AKAP12: variants seen among roughly 807,000 people sequenced by gnomAD.
AKAP12 encodes A-kinase anchoring protein 12.
A neutral mutation model predicts 79.9 loss-of-function variants in AKAP12; 32 were observed. The observed-to-expected ratio is 0.40, with a 90% confidence interval of 0.30 to 0.54. AKAP12 has a LOEUF of 0.54. AKAP12 is among the 20% of genes least tolerant of loss of function. The pLI, the probability that AKAP12 is intolerant of heterozygous loss-of-function variation, is 0.48. For synonymous variants in AKAP12, 808 were observed against 857.0 expected (o/e 0.94, Z 1.00); for missense variants, 2,074 against 2,177.0 (o/e 0.95, Z 0.94).
At position 151,267,014 on chromosome 6, in the gene AKAP12, CAAAA is replaced by C. The variant is rs34974747; in HGVS notation, c.162+26313_162+26316del. Reference sequence around the variant, plus strand: ...TGGCGGACAGAGCGAGACTCCATCTCAAAAAAAAAAAAAAAAAAAAAAAAAAGGA... The same window carrying C: ...TGGCGGACAGAGCGAGACTCCATCTCAAAAAAAAAAAAAAAAAAAAAAGGA... On this transcript the variant is annotated intron_variant, in intron 2 of 4. Coordinates refer to ENST00000402676, the MANE Select transcript of AKAP12 (RefSeq NM_005100.4). 5.4e-3 allele frequency among the ~76,000 whole-genome samples: 191 copies of C among 35,298 alleles called. 1 individual carries two copies. Among genetic ancestry groups the C allele is most frequent in the African/African-American group, 0.013 (170 of 13,364 alleles). The allele number at this position is 35,298 out of a possible 152,430, so 23.2% of individuals were successfully genotyped here.
At chr6:151,345,866 G>T (rs1204364008) in intron 3 of AKAP12, among the ~76,000 whole-genome samples, 1 of 149,990 alleles carries the variant, frequency 6.7e-6, no homozygotes, top group African/African-American at 2.5e-5. Context: ...GCATCCCCCA[G>T]AGATCATATG....
At chr6:151,319,884 G>C (rs1392729535) in intron 3 of AKAP12, 1 of 152,636 alleles carries the variant, frequency 6.6e-6, no homozygotes, top group African/African-American at 2.4e-5. Context: ...TCCATTTAAA[G>C]GAATAACAGT....
intron 2 of AKAP12, 114 bp downstream of exon 2, chr6:151,240,838 C>T (rs1032958782): frequency 2.7e-4 from 257 of 963,122 alleles, no homozygotes; most frequent in African/African-American, 2.0e-3. Flanking sequence ...CATCCAGCCG[C>T]ATCTGCAAAC....
rs1554335062 is a variant in AKAP12 at position 151,357,707 on chromosome 6, T to TATA, written c.*1994_*1995insTAA. 7.8e-6 allele frequency: 1 copy of TATA among 127,430 alleles called. No individual in the cohort carries two copies. The highest frequency in any genetic ancestry group is 3.0e-5 in the African/African-American group (1 of 32,940). 7.9% of individuals were successfully genotyped at this position (127,430 alleles called of 1,614,324 possible). A position where few individuals can be genotyped will look rare whatever the true frequency, so the allele number is the denominator to read the frequency against. On this transcript the variant is annotated 3_prime_UTR_variant, in exon 5 of 5. Transcript: ENST00000402676. ...TCAAAAAACCTCTGATATATATATA[T>TATA]AATTTTTTTTTTTTTTTTTTTTTGG...
chr6:151,243,603 A>C (rs1214892735), intron 2 of AKAP12, among the ~76,000 whole-genome samples: 1 of 152,136 alleles, frequency 6.6e-6, no homozygotes, highest in African/African-American at 2.4e-5. Context: ...AGGAGTCTTT[A>C]TCTTCTATTC....
intron 3 of AKAP12, among the ~76,000 whole-genome samples, chr6:151,343,433 A>G (rs944600261): frequency 2.6e-5 from 4 of 152,206 alleles, no homozygotes; most frequent in Admixed American, 6.5e-5. Context: ...ATTTTATCCA[A>G]CTTTTTCAAA....
chr6:151,332,035 T>TGTTTTTGTG (rs1448624184), intron 3 of AKAP12, among the ~76,000 whole-genome samples: 4 of 63,342 alleles, frequency 6.3e-5, no homozygotes, highest in African/African-American at 2.9e-4. Context: ...CTGGGTCTGT[T>TGTTTTTGTG]TTTTTTTTTT....
intron 2 of AKAP12, among the ~76,000 whole-genome samples, chr6:151,255,445 G>A (rs1466118124): frequency 6.6e-6 from 1 of 152,038 alleles, no homozygotes; most frequent in African/African-American, 2.4e-5. Flanking sequence ...ACAGGCGTGA[G>A]CCACCGCGCC....
intron 3 of AKAP12, among the ~76,000 whole-genome samples, chr6:151,338,941 T>A (rs1195000596): frequency 6.6e-6 from 1 of 152,242 alleles, no homozygotes; most frequent in African/African-American, 2.4e-5. Context: ...CTCCTCCATT[T>A]AGCACTTTAG....
chr6:151,314,719 G>A (rs1777198461), intron 3 of AKAP12, among the ~76,000 whole-genome samples: 1 of 152,138 alleles, frequency 6.6e-6, no homozygotes, highest in African/African-American at 2.4e-5. Flanking sequence ...AAGGAGCCAG[G>A]CAAGTCAGCC....
intron 3 of AKAP12, among the ~76,000 whole-genome samples, chr6:151,311,442 A>G (rs1466295121): frequency 6.6e-6 from 1 of 152,212 alleles, no homozygotes; most frequent in Non-Finnish European, 1.5e-5. Flanking sequence ...TACACTAATC[A>G]GATAACGGTA....
intron 3 of AKAP12, among the ~76,000 whole-genome samples, chr6:151,307,974 C>T (rs1017197477): frequency 9.2e-5 from 14 of 152,102 alleles, no homozygotes; most frequent in African/African-American, 2.9e-4. Context: ...CATCCCCCGC[C>T]TCCGGCTCCA....
At chr6:151,279,298 T>C (rs1244886873) in intron 2 of AKAP12, among the ~76,000 whole-genome samples, 1 of 152,132 alleles carries the variant, frequency 6.6e-6, no homozygotes, top group Non-Finnish European at 1.5e-5. Flanking sequence ...CTGGCATGGT[T>C]TCTAATCCTA....
chr6:151,306,558 G>C (rs1257791221), intron 3 of AKAP12, among the ~76,000 whole-genome samples: 1 of 152,150 alleles, frequency 6.6e-6, no homozygotes, highest in Non-Finnish European at 1.5e-5. Flanking sequence ...ACCAATAACT[G>C]CTATCAAATA....
chr6:151,305,242 T>C (rs1776954527), intron 2 of AKAP12, among the ~76,000 whole-genome samples: 1 of 152,102 alleles, frequency 6.6e-6, no homozygotes, highest in Admixed American at 6.6e-5. Context: ...GTTCTATGTA[T>C]GCCTCCTTCA....
In AKAP12 at chr6:151,318,403, A is replaced by G. The variant is rs1016107361; in HGVS notation, c.319+12500A>G. Among the ~76,000 whole-genome samples the G allele has an allele frequency of 2.6e-5, 4 of 152,238 alleles. No individual in the cohort carries two copies. The East Asian group carries it at 7.7e-4, about 29-fold the overall frequency. On this transcript the variant is annotated intron_variant, in intron 3 of 4. Transcript: ENST00000402676. ...GCTTGTCAAAATCCTGGTCCTAAGT[A>G]TTCCCCTAATCAAGTCCATTTCTGT...
At chr6:151,269,433 A>G (rs1429919603) in intron 2 of AKAP12, among the ~76,000 whole-genome samples, 1 of 152,158 alleles carries the variant, frequency 6.6e-6, no homozygotes, top group Non-Finnish European at 1.5e-5. Flanking sequence ...ACTTGCCAAG[A>G]CATCTGGGGA....
chr6:151,309,073 C>T (rs1582871718), intron 3 of AKAP12, among the ~76,000 whole-genome samples: 1 of 152,124 alleles, frequency 6.6e-6, no homozygotes, highest in African/African-American at 2.4e-5. Context: ...TGGGGTTTCA[C>T]CATGCTGGCC....
intron 3 of AKAP12, among the ~76,000 whole-genome samples, chr6:151,310,364 CA>C (rs540889501): frequency 7.0e-5 from 10 of 142,956 alleles, no homozygotes; most frequent in African/African-American, 5.1e-5. Flanking sequence ...AACTCCATCT[CA>C]AAAAAAAAAC....
Sources: allele counts gnomAD v4.1 joint callset (sites outside exome capture counted in the v4.1 genomes callset), GRCh38; gene constraint gnomAD v4.1.1; transcripts MANE v1.5; gene names NCBI Gene and HGNC (gene_info 2026-07-23, HGNC 2026-07-21).